FREM1: variants seen among roughly 807,000 people sequenced by gnomAD.
The protein encoded by FREM1 is FRAS1 related extracellular matrix 1, also known as FRAS1-related extracellular matrix protein 1.
FREM1 carries 220 observed loss-of-function variants against 210.1 expected under a neutral mutation model. That is an observed-to-expected ratio of 1.05 (90% CI 0.94 to 1.17). The LOEUF (loss-of-function observed/expected upper bound fraction) is 1.17, where lower values mean the gene tolerates loss of function less well. Among genes scored for constraint, FREM1 ranks in the 50% most tolerant of loss-of-function variants. FREM1 has a pLI of 0.00. For missense variants in FREM1, 3,454 were observed against 2,675.5 expected, an observed-to-expected ratio of 1.29 and a Z score of -6.42; for synonymous variants, 1,189 against 980.2, an observed-to-expected ratio of 1.21 and a Z score of -3.98.
chr9:14,762,414 T>C (rs1169525931), intron 27 of FREM1, among the ~76,000 whole-genome samples: 4 of 152,222 alleles, frequency 2.6e-5, no homozygotes, highest in African/African-American at 9.6e-5. Context: ...TAGATCCTGG[T>C]GACCTCAAGG....
intron 24 of FREM1, among the ~76,000 whole-genome samples, chr9:14,776,883 G>A (rs1285335898): frequency 6.6e-6 from 1 of 152,092 alleles, no homozygotes; most frequent in Non-Finnish European, 1.5e-5. Flanking sequence ...AATCTCTTAT[G>A]GTTTACATGT....
chr9:14,893,156 T>G (rs1462918715), intron 1 of FREM1, among the ~76,000 whole-genome samples: 1 of 140,232 alleles, frequency 7.1e-6, no homozygotes, highest in Non-Finnish European at 1.5e-5. Flanking sequence ...GGTAAGAATT[T>G]TGACTTCTCT....
chr9:14,860,878 T>TATATACACATATATACATATATACTC (rs1830049061), intron 3 of FREM1, among the ~76,000 whole-genome samples: 1 of 115,130 alleles, frequency 8.7e-6, no homozygotes, highest in African/African-American at 4.5e-5. Context: ...TATATACGTA[T>TATATACACATATATACATATATACTC]ATATACACAT....
chr9:14,795,829 T>C (rs1201947661), intron 21 of FREM1, among the ~76,000 whole-genome samples: 1 of 152,182 alleles, frequency 6.6e-6, no homozygotes, highest in Non-Finnish European at 1.5e-5. Flanking sequence ...GTCTGTCCTA[T>C]AGTAAGCACT....
intron 24 of FREM1, chr9:14,779,474 G>C (rs1267498625): frequency 1.0e-6 from 1 of 985,222 alleles, no homozygotes; most frequent in East Asian, 1.1e-4. Flanking sequence ...GTGAGTGCCA[G>C]GGACTCCATC....
rs572415935 is a variant in FREM1, at chr9:14,801,724, T to A, written c.3622A>T (p.Asn1208Tyr). Residue 1208 changes from asparagine (N) to tyrosine (Y), a missense_variant, in exon 20 of 37, where the codon AAT (asparagine) becomes TAT (tyrosine). Physicochemically the swap from Asn to Tyr is moderately radical, Grantham distance 143. Transcript: ENST00000380880. Reference protein sequence around the residue: ...DRGFSKDFSENKQPANPHQKH... With the variant: ...DRGFSKDFSEYKQPANPHQKH... ...TGGTGAGGGTTGGCTGGCTGCTTAT[T>A]CTCAGAGAAGTCTTTGCTAAACCCC... The A allele has an allele frequency of 5.8e-5, 94 of 1,613,978 alleles. 2 individuals are homozygous for A. In the South Asian group the frequency reaches 1.0e-3, roughly 17 times the overall value.
intron 25 of FREM1, chr9:14,774,208 CTTCAT>C: frequency 2.0e-6 from 1 of 509,170 alleles, no homozygotes. Context: ...GTCTGTGAGG[CTTCAT>C]TTCATGTGTC....
intron 10 of FREM1, among the ~76,000 whole-genome samples, chr9:14,835,370 T>C (rs918540336): frequency 6.6e-6 from 1 of 152,208 alleles, no homozygotes; most frequent in African/African-American, 2.4e-5. Flanking sequence ...TTTGCATCAG[T>C]GCAATAAGAA....
intron 29 of FREM1, among the ~76,000 whole-genome samples, chr9:14,754,283 G>C (rs1843886495): frequency 1.3e-5 from 2 of 152,170 alleles, no homozygotes; most frequent in African/African-American, 4.8e-5. Flanking sequence ...TGTTGGGTTG[G>C]CCGCAAGAGC....
chr9:14,808,434 C>T (rs1040687882), intron 16 of FREM1, among the ~76,000 whole-genome samples: 2 of 152,182 alleles, frequency 1.3e-5, no homozygotes, highest in African/African-American at 4.8e-5. Context: ...GGGCACAAAG[C>T]TTCACTAGTG....
intron 8 of FREM1, among the ~76,000 whole-genome samples, chr9:14,843,661 T>C (rs957523025): frequency 1.3e-5 from 2 of 152,192 alleles, no homozygotes; most frequent in African/African-American, 4.8e-5. Context: ...ACAATAAATG[T>C]TGGTTATTCT....
At chr9:14,799,880 C>T (rs1175043290) in intron 20 of FREM1, among the ~76,000 whole-genome samples, 7 of 151,438 alleles carry the variant, frequency 4.6e-5, no homozygotes, top group Non-Finnish European at 1.0e-4. Context: ...ATGTGCCATG[C>T]TGGTGTGCTG....
At chr9:14,853,448 C>T (rs1159726386) in intron 5 of FREM1, among the ~76,000 whole-genome samples, 3 of 152,112 alleles carry the variant, frequency 2.0e-5, no homozygotes, top group Non-Finnish European at 4.4e-5. Context: ...AAATAATCCT[C>T]TTAAGAGAGC....
At chr9:14,744,008 C>A (rs1201707239) in intron 35 of FREM1, among the ~76,000 whole-genome samples, 1 of 151,952 alleles carries the variant, frequency 6.6e-6, no homozygotes, top group African/African-American at 2.4e-5. Context: ...CTTATTTGTT[C>A]TTTAACATGT....
At position 14,740,922 on chromosome 9, in the gene FREM1, T is replaced by C. The variant is rs539751066; in HGVS notation, c.6255-688A>G. On this transcript the variant is annotated intron_variant, in intron 35 of 36. Coordinates refer to ENST00000380880, the MANE Select transcript of FREM1 (RefSeq NM_001379081.2). ...GTGCCTAATTCCCCAGCAGTGCTCA[T>C]TAAAACCTCTTTAAAAATGCTTTAA... 6.6e-5 allele frequency among the ~76,000 whole-genome samples: 10 copies of C among 152,256 alleles called. No homozygotes were observed. In the East Asian group the frequency reaches 1.9e-3, roughly 29 times the overall value.
chr9:14,841,366 T>A, intron 10 of FREM1, 81 bp downstream of exon 10: 7 of 1,166,542 alleles, frequency 6.0e-6, no homozygotes, highest in Non-Finnish European at 8.2e-6. Context: ...AAACCTATTT[T>A]CATGTGGTTT....
At position 14,862,345 on chromosome 9, in the gene FREM1, G is replaced by A. The variant is rs577227286; in HGVS notation, c.329+1464C>T. On this transcript the variant is annotated intron_variant, in intron 3 of 36. Transcript: ENST00000380880. ...CTTTTACATTAGTCTAATGCTTAAA[G>A]GAAATTCACACCAACATATCTAACC... Among the ~76,000 whole-genome samples, 30 of 152,174 alleles carry A rather than the reference G, an allele frequency of 2.0e-4. 2 individuals carry two copies. The South Asian group carries it at 5.8e-3, about 29-fold the overall frequency.
chr9:14,806,083 T>G (rs1818288608), intron 18 of FREM1, among the ~76,000 whole-genome samples: 1 of 152,292 alleles, frequency 6.6e-6, no homozygotes, highest in South Asian at 2.1e-4. Context: ...AAACCATTCT[T>G]TCTTCAATGT....
chr9:14,746,941 G>T lies in FREM1; in HGVS notation c.6120C>A (p.Ala2040=). The T allele has an allele frequency of 6.2e-7, 1 of 1,613,186 alleles. No homozygotes were observed. The highest frequency in any genetic ancestry group is 8.5e-7 in the Non-Finnish European group (1 of 1,179,700). Residue 2040 remains alanine, a synonymous_variant, in exon 34 of 37, where the codon GCC becomes GCA. Transcript: ENST00000380880. ...CTCCTACCTTGGTTTGGGGACTCCA[G>T]GCTTTCCAGGCGATCCCATTGCACT... ...LYQCNGIAWK[A]WSPQTKDVED... is the part of the protein sequence containing the mutation.
Sources: allele counts gnomAD v4.1 joint callset (sites outside exome capture counted in the v4.1 genomes callset), GRCh38; gene constraint gnomAD v4.1.1; transcripts MANE v1.5; gene names NCBI Gene and HGNC (gene_info 2026-07-23, HGNC 2026-07-21).